The following SMG6 variants were observed in gnomAD, a reference collection of about 807,000 sequenced individuals.
The protein encoded by SMG6 is SMG6 nonsense mediated mRNA decay factor.
In SMG6, 66 loss-of-function variants were observed where a neutral mutation model predicts 142.2. That is an observed-to-expected ratio of 0.46 (90% CI 0.38 to 0.57). The LOEUF (loss-of-function observed/expected upper bound fraction) is 0.57, where lower values mean the gene tolerates loss of function less well. Among genes scored for constraint, SMG6 ranks in the 20% least tolerant of loss-of-function variants. SMG6 has a pLI of 0.00. For missense variants in SMG6, 1,793 were observed against 1,832.0 expected, an observed-to-expected ratio of 0.98 and a Z score of 0.39; for synonymous variants, 779 against 702.4, an observed-to-expected ratio of 1.11 and a Z score of -1.72.
intron 10 of SMG6, among the ~76,000 whole-genome samples, chr17:2,196,693 G>GA (rs1256541724): frequency 6.6e-6 from 1 of 152,144 alleles, no homozygotes; most frequent in Admixed American, 6.5e-5. Flanking sequence ...AAACAATTCT[G>GA]AAAAAGAATA....
intron 13 of SMG6, among the ~76,000 whole-genome samples, chr17:2,128,800 G>C (rs1180661004): frequency 7.3e-6 from 1 of 137,362 alleles, no homozygotes; most frequent in Non-Finnish European, 1.5e-5. Flanking sequence ...CTCTAGCCTG[G>C]GTGACAGAGC....
chr17:2,180,359 A>G (rs912484542), intron 12 of SMG6, among the ~76,000 whole-genome samples: 1 of 152,186 alleles, frequency 6.6e-6, no homozygotes, highest in Non-Finnish European at 1.5e-5. Flanking sequence ...CCTCTATACC[A>G]ATAATCTCCT....
At chr17:2,291,135 T>G (rs1034820162) in intron 6 of SMG6, among the ~76,000 whole-genome samples, 2 of 152,070 alleles carry the variant, frequency 1.3e-5, no homozygotes, top group African/African-American at 4.8e-5. Flanking sequence ...GTCGAGACCA[T>G]CCTGGCTAAC....
At chr17:2,282,996 C>A (rs2074824397) in intron 7 of SMG6, 137 bp from the exon 8 acceptor site, 1 of 737,660 alleles carries the variant, frequency 1.4e-6, no homozygotes, top group Non-Finnish European at 2.2e-6. Context: ...CATAGTGAAA[C>A]CCTGTCTCTA....
Position 2,085,976 on chromosome 17 carries a change from C to A in SMG6, c.3358-75G>T. 1 of 1,457,228 alleles carries A rather than the reference C, an allele frequency of 6.9e-7. No individual in the cohort carries two copies. The allele number at this position is 1,457,228 out of a possible 1,614,324, so 90.3% of individuals were successfully genotyped here. On this transcript the variant is annotated intron_variant, in intron 13 of 18. Coordinates refer to ENST00000263073, the MANE Select transcript of SMG6 (RefSeq NM_017575.5). This position sits in a 1 kb window ranked among gnomAD's most constrained non-coding sequence, Gnocchi z 4.1. ...ATGGAGACGAGATGTTGCTTGCCGGCTGAGGGGCACAGGGGAACTGTGTCA... is the reference window on the plus strand; with the variant it reads ...ATGGAGACGAGATGTTGCTTGCCGGATGAGGGGCACAGGGGAACTGTGTCA...
intron 13 of SMG6, among the ~76,000 whole-genome samples, chr17:2,092,079 G>A (rs1302623515): frequency 5.9e-5 from 9 of 151,396 alleles, no homozygotes; most frequent in African/African-American, 2.2e-4. Flanking sequence ...TCCGCCTCCC[G>A]GGTTGAAGCG....
Position 2,081,821 on chromosome 17 carries a change from C to G in SMG6, c.3670G>C (p.Glu1224Gln), listed in dbSNP as rs1285852971. 1.2e-6 allele frequency: 2 copies of G among 1,613,592 alleles called. No individual in the cohort carries two copies. The highest frequency in any genetic ancestry group is 8.5e-7 in the Non-Finnish European group (1 of 1,180,038). ...CAGGCCGACTTCACCTGGATCTTTT[C>G]CTGGCGACGCTGCTGCTCAGCTATC... ...RKIAEQQRRQ[E>Q]KIQAVLEDHS... Residue 1224 changes from glutamate to glutamine, a missense_variant, in exon 15 of 19, where the codon GAA becomes CAA. Transcript: ENST00000263073.
At chr17:2,231,620 C>A (rs1031468042) in intron 10 of SMG6, among the ~76,000 whole-genome samples, 7 of 152,050 alleles carry the variant, frequency 4.6e-5, no homozygotes, top group Admixed American at 2.0e-4. Context: ...CTGCTTGAAC[C>A]CGGGAGGCAG....
chr17:2,110,483 A>G (rs2069283408), intron 13 of SMG6, among the ~76,000 whole-genome samples: 1 of 152,160 alleles, frequency 6.6e-6, no homozygotes, highest in South Asian at 2.1e-4. Context: ...ACGCACACGC[A>G]CACACACGGT....
chr17:2,267,901 C>A (rs1184974303), intron 8 of SMG6, among the ~76,000 whole-genome samples: 1 of 151,894 alleles, frequency 6.6e-6, no homozygotes, highest in African/African-American at 2.4e-5. Flanking sequence ...GCGCCTGCCA[C>A]CACACCCGGC....
chr17:2,199,762 G>C (rs1031203240), intron 10 of SMG6: 2 of 150,636 alleles, frequency 1.3e-5, no homozygotes, highest in Admixed American at 1.3e-4. Context: ...ACAAAAATTA[G>C]CCGGGTGTGG....
At position 2,085,715 on chromosome 17, in the gene SMG6, C is replaced by T. The variant is rs369803685; in HGVS notation, c.3534+10G>A. On this transcript the variant is annotated intron_variant, in intron 14 of 18. Coordinates refer to ENST00000263073, the MANE Select transcript of SMG6 (RefSeq NM_017575.5). This position sits in a 1 kb window ranked among gnomAD's most constrained non-coding sequence, Gnocchi z 4.1. ...TCCCTCTGCCACAGCGGGCTCTTCC[C>T]GCATAGTACCTCATCTTCCAGTCGT... The T allele has an allele frequency of 1.0e-5, 16 of 1,606,926 alleles. No individual in the cohort carries two copies. The highest frequency in any genetic ancestry group is 1.3e-5 in the African/African-American group (1 of 74,434).
chr17:2,186,970 C>T (rs931393338), intron 11 of SMG6, 139 bp from the exon 12 acceptor site: 8 of 843,168 alleles, frequency 9.5e-6, no homozygotes, highest in African/African-American at 1.7e-5. Context: ...CGAGGACAAG[C>T]GCCAGCACCT....
intron 8 of SMG6, among the ~76,000 whole-genome samples, chr17:2,253,616 C>A (rs12950555): frequency 4.0e-5 from 6 of 151,560 alleles, no homozygotes; most frequent in East Asian, 3.9e-4. Context: ...TTAAAAGACC[C>A]CCCTCCGCCA....
intron 10 of SMG6, among the ~76,000 whole-genome samples, chr17:2,191,404 T>C (rs2072158077): frequency 6.6e-6 from 1 of 152,060 alleles, no homozygotes; most frequent in South Asian, 2.1e-4. Flanking sequence ...TATATATCCC[T>C]AGTGTTGGGC....
chr17:2,204,324 T>C (rs2072616734), intron 10 of SMG6, among the ~76,000 whole-genome samples: 1 of 152,028 alleles, frequency 6.6e-6, no homozygotes, highest in Non-Finnish European at 1.5e-5. Flanking sequence ...TACTGAAAAA[T>C]AAGACCAATG....
intron 8 of SMG6, among the ~76,000 whole-genome samples, chr17:2,278,612 G>A (rs1018738556): frequency 2.6e-5 from 4 of 152,150 alleles, no homozygotes; most frequent in Admixed American, 2.6e-4. Context: ...AGTACTGGAA[G>A]TATTGGAACG....
intron 10 of SMG6, among the ~76,000 whole-genome samples, chr17:2,200,625 C>G (rs1355364624): frequency 6.6e-6 from 1 of 152,148 alleles, no homozygotes; most frequent in East Asian, 1.9e-4. Flanking sequence ...CTCAGCCTCC[C>G]AAAGTGCAAG....
Position 2,244,644 on chromosome 17 carries a change from T to A in SMG6, c.2723+14A>T. ...GTAATGTAGGAAAATAAAATAAACA[T>A]CCTGCACACTTACCCAATCCGGGTA... On this transcript the variant is annotated intron_variant, in intron 9 of 18. Transcript: ENST00000263073. The A allele has an allele frequency of 6.2e-7, 1 of 1,601,564 alleles. No homozygotes were observed. The highest frequency in any genetic ancestry group is 8.6e-7 in the Non-Finnish European group (1 of 1,168,698).
Sources: gnomAD v4.1 joint callset for allele counts (sites outside exome capture counted in the v4.1 genomes callset) on GRCh38, gnomAD v4.1.1 for gene constraint, Gnocchi (gnomAD v3.1) non-coding constraint, MANE v1.5 for transcripts, NCBI Gene and HGNC (gene_info 2026-07-23, HGNC 2026-07-21) for gene names.